TDP1: variants seen among roughly 807,000 people sequenced by gnomAD.
TDP1 encodes the protein tyrosyl-DNA phosphodiesterase 1.
A neutral mutation model predicts 81.5 loss-of-function variants in TDP1; 64 were observed. The observed-to-expected ratio is 0.79, with a 90% CI of 0.64 to 0.97. The LOEUF (loss-of-function observed/expected upper bound fraction) is 0.97, where lower values mean the gene tolerates loss of function less well. Among genes scored for constraint, TDP1 ranks in the 50% least tolerant of loss-of-function variants. The pLI is 0.00. For missense variants in TDP1, 723 were observed against 743.8 expected (o/e 0.97, Z 0.33); for synonymous variants, 256 against 264.3 (o/e 0.97, Z 0.30).
At chr14:89,970,719 G>A in intron 5 of TDP1, 1 of 527,454 alleles carries the variant, frequency 1.9e-6, no homozygotes, top group Admixed American at 6.3e-5. Flanking sequence ...TCACTGCTCT[G>A]TGTTAGCCCT....
intron 15 of TDP1, 34 bp downstream of exon 15, chr14:90,019,452 C>T (rs1246375965): frequency 8.8e-7 from 1 of 1,136,028 alleles, no homozygotes; most frequent in Admixed American, 1.7e-5. Flanking sequence ...CAGTGGGTCA[C>T]ATGGGAGATG....
intron 3 of TDP1, among the ~76,000 whole-genome samples, chr14:89,964,128 G>A (rs1445641822): frequency 6.6e-6 from 1 of 152,128 alleles, no homozygotes; most frequent in Non-Finnish European, 1.5e-5. Flanking sequence ...GTGTTTTCAC[G>A]AGCCCTTGAG....
At chr14:89,971,700 T>C (rs1893686093) in intron 6 of TDP1, among the ~76,000 whole-genome samples, 1 of 152,208 alleles carries the variant, frequency 6.6e-6, no homozygotes, top group African/African-American at 2.4e-5. Context: ...AACCTGCTAG[T>C]GCTCCCCTGG....
At chr14:90,029,354 C>T (rs1887009387) in intron 15 of TDP1, among the ~76,000 whole-genome samples, 1 of 151,806 alleles carries the variant, frequency 6.6e-6, no homozygotes, top group Non-Finnish European at 1.5e-5. Flanking sequence ...CGCACTACCA[C>T]ACCTGGCTAA....
chr14:89,998,436 G>GTATGTATGTATGTA lies in TDP1; in HGVS notation c.1541+4960_1541+4961insGTATGTATATGTAT, dbSNP rs1555390662. Among the ~76,000 whole-genome samples the GTATGTATGTATGTA allele has an allele frequency of 7.2e-4, 77 of 106,416 alleles. 1 individual carries two copies. The highest frequency in any genetic ancestry group is 3.6e-3 in the African/African-American group (72 of 20,086). 69.8% of individuals were successfully genotyped at this position (106,416 alleles called of 152,430 possible). A position where few individuals can be genotyped will look rare whatever the true frequency, so the allele number is the denominator to read the frequency against. On this transcript the variant is annotated intron_variant, in intron 14 of 16. Coordinates refer to ENST00000335725, the MANE Select transcript of TDP1 (RefSeq NM_018319.4). ...TATATATATATATGTATGTATGTAT[G>GTATGTATGTATGTA]TATGTATATGTATATGTATATATAT...
intron 14 of TDP1, among the ~76,000 whole-genome samples, chr14:89,993,868 C>CT (rs1896440717): frequency 6.6e-6 from 1 of 152,162 alleles, no homozygotes; most frequent in African/African-American, 2.4e-5. Flanking sequence ...AATCAAATCT[C>CT]TTATGTGTCC....
At chr14:89,994,357 G>A (rs143008106) in intron 14 of TDP1, among the ~76,000 whole-genome samples, 57 of 152,290 alleles carry the variant, frequency 3.7e-4, no homozygotes, top group African/African-American at 1.3e-3. Context: ...CAAACCAGCA[G>A]CTTGGAGATT....
intron 3 of TDP1, 99 bp from the exon 4 acceptor site, chr14:89,966,048 A>G: frequency 1.0e-6 from 1 of 1,004,174 alleles, no homozygotes; most frequent in South Asian, 1.3e-5. Context: ...GTTCTGAGTC[A>G]GATCTTGATT....
intron 11 of TDP1, chr14:89,989,370 G>A: frequency 1.0e-6 from 1 of 985,228 alleles, no homozygotes; most frequent in Non-Finnish European, 1.2e-6. Flanking sequence ...TTTCTTTCAG[G>A]TTGTTGAACC....
intron 15 of TDP1, among the ~76,000 whole-genome samples, chr14:90,021,251 A>G (rs1886058505): frequency 1.3e-5 from 2 of 152,186 alleles, no homozygotes; most frequent in Admixed American, 6.5e-5. Flanking sequence ...TTTCACTACA[A>G]AACTATGTAA....
intron 14 of TDP1, among the ~76,000 whole-genome samples, chr14:90,006,817 G>T (rs1884084193): frequency 6.6e-6 from 1 of 152,148 alleles, no homozygotes; most frequent in African/African-American, 2.4e-5. Context: ...GGGATTACAG[G>T]CGTGAGGCAC....
At chr14:89,956,442 C>G (rs1891638846) in intron 1 of TDP1, 136 bp from the exon 2 acceptor site, 1 of 152,392 alleles carries the variant, frequency 6.6e-6, no homozygotes, top group Non-Finnish European at 1.5e-5. Context: ...CGAATCGTGC[C>G]TGGCCGGCCC....
At position 90,035,733 on chromosome 14, in the gene TDP1, C is replaced by CTTTTTTT. The variant is rs543354253; in HGVS notation, c.1753+2528_1753+2534dup. 3.9e-3 allele frequency among the ~76,000 whole-genome samples: 547 copies of CTTTTTTT among 139,046 alleles called. 4 individuals carry two copies. The highest frequency in any genetic ancestry group is 0.014 in the African/African-American group (513 of 35,940). The allele number at this position is 139,046 out of a possible 152,430, so 91.2% of individuals were successfully genotyped here. A position where few individuals can be genotyped will look rare whatever the true frequency, so the allele number is the denominator to read the frequency against. ...TCTGTTCTTCAGGTTCCTTTTCTTC[C>CTTTTTTT]TTTTTTTTTTTTTTTAACCCAAGTT... On this transcript the variant is annotated intron_variant, in intron 16 of 16. Transcript: ENST00000335725.
intron 3 of TDP1, among the ~76,000 whole-genome samples, chr14:89,964,231 C>G (rs767259275): frequency 6.6e-6 from 1 of 152,152 alleles, no homozygotes; most frequent in Non-Finnish European, 1.5e-5. Context: ...CAAAATAGTG[C>G]CTGAGTGCAA....
rs946778154 is a variant in TDP1 at position 90,038,091 on chromosome 14, G to A, written c.1753+4877G>A. On this transcript the variant is annotated intron_variant, in intron 16 of 16. Transcript: ENST00000335725. The stretch of plus-strand genomic sequence containing the variant: ...ATCATATCAGGAGGCACATCCTATC[G>A]ATCTGTCTGATTACTGATGATGTTA... 5.9e-5 allele frequency among the ~76,000 whole-genome samples: 9 copies of A among 152,114 alleles called. No individual in the cohort carries two copies. In the East Asian group the frequency reaches 9.6e-4, roughly 16 times the overall value.
intron 15 of TDP1, among the ~76,000 whole-genome samples, chr14:90,031,389 G>A (rs1250911848): frequency 6.6e-6 from 1 of 151,520 alleles, no homozygotes; most frequent in Admixed American, 6.6e-5. Flanking sequence ...AGGCACAGTG[G>A]CTCACACCTG....
intron 14 of TDP1, among the ~76,000 whole-genome samples, chr14:89,999,426 C>G (rs1165917654): frequency 1.3e-5 from 2 of 152,148 alleles, no homozygotes; most frequent in African/African-American, 4.8e-5. Flanking sequence ...AGCAAAGTAG[C>G]AGACATACTA....
intron 14 of TDP1, among the ~76,000 whole-genome samples, chr14:90,000,826 C>T (rs1285114614): frequency 6.6e-6 from 1 of 152,182 alleles, no homozygotes; most frequent in Non-Finnish European, 1.5e-5. Flanking sequence ...AAGACTGAAC[C>T]TCTGGCTCCA....
intron 16 of TDP1, chr14:90,033,420 C>T (rs1198057708): frequency 4.7e-6 from 3 of 636,616 alleles, no homozygotes; most frequent in Non-Finnish European, 8.7e-6. Context: ...AATTACTATA[C>T]AGATCCTTCC....
Sources: gnomAD v4.1 joint callset for allele counts (sites outside exome capture counted in the v4.1 genomes callset) on GRCh38, gnomAD v4.1.1 for gene constraint, MANE v1.5 for transcripts, NCBI Gene and HGNC (gene_info 2026-07-23, HGNC 2026-07-21) for gene names.